GALNT17: variants seen among roughly 807,000 people sequenced by gnomAD.
GALNT17 encodes UDP-GalNAc:polypeptide N-acetylgalactosaminyltransferase-like 3.
In GALNT17, 29 loss-of-function variants were observed where a neutral mutation model predicts 63.7. That is an observed-to-expected ratio of 0.46 (90% CI 0.34 to 0.62). The LOEUF (loss-of-function observed/expected upper bound fraction) is 0.62, where lower values mean the gene tolerates loss of function less well. GALNT17 is among the 20% of genes least tolerant of loss of function. The pLI, the probability that GALNT17 is intolerant of heterozygous loss-of-function variation, is 0.01. For synonymous variants in GALNT17, 305 were observed against 318.3 expected (o/e 0.96, Z 0.45); for missense variants, 603 against 799.6 (o/e 0.75, Z 2.97).
At chr7:71,295,464 G>T (rs1262177685) in intron 1 of GALNT17, among the ~76,000 whole-genome samples, 4 of 151,154 alleles carry the variant, frequency 2.6e-5, no homozygotes, top group African/African-American at 9.7e-5. Flanking sequence ...GTTTCTCTCT[G>T]TCTCTCTTTG....
intron 1 of GALNT17, among the ~76,000 whole-genome samples, chr7:71,186,814 C>T (rs1788859046): frequency 6.6e-6 from 1 of 152,218 alleles, no homozygotes; most frequent in African/African-American, 2.4e-5. Context: ...CAGACTGGTG[C>T]TCTACTGGGA....
intron 5 of GALNT17, among the ~76,000 whole-genome samples, chr7:71,435,936 C>T (rs1016346499): frequency 3.4e-5 from 5 of 147,774 alleles, no homozygotes; most frequent in Non-Finnish European, 7.5e-5. Context: ...AGGAGAATGG[C>T]GTGAACCTGG....
chr7:71,590,809 C>T (rs1173245422), intron 6 of GALNT17, among the ~76,000 whole-genome samples: 5 of 152,058 alleles, frequency 3.3e-5, no homozygotes, highest in Admixed American at 2.6e-4. Flanking sequence ...CTCACTGGAA[C>T]CTCCGCCTCC....
At position 71,199,188 on chromosome 7, in the gene GALNT17, C is replaced by T. The variant is rs895727606; in HGVS notation, c.238+66148C>T. On this transcript the variant is annotated intron_variant, in intron 1 of 10. Transcript: ENST00000333538. ...TAGGTGGCCAAGGGGGTGGCTAAAGCTGAATTTACAAGGCAAGGAGCCCTG... is the reference window on the plus strand; with the variant it reads ...TAGGTGGCCAAGGGGGTGGCTAAAGTTGAATTTACAAGGCAAGGAGCCCTG... 2.0e-5 allele frequency among the ~76,000 whole-genome samples: 3 copies of T among 152,164 alleles called. No homozygotes were observed. In the South Asian group the frequency reaches 6.2e-4, roughly 32 times the overall value.
At chr7:71,515,122 T>A (rs547573900) in intron 5 of GALNT17, among the ~76,000 whole-genome samples, 8 of 152,264 alleles carry the variant, frequency 5.3e-5, no homozygotes, top group African/African-American at 1.9e-4. Flanking sequence ...GTTAAACCTC[T>A]TTTTCTTTAT....
intron 5 of GALNT17, among the ~76,000 whole-genome samples, chr7:71,489,242 T>C (rs1039707073): frequency 7.2e-5 from 11 of 152,152 alleles, no homozygotes; most frequent in Admixed American, 3.3e-4. Context: ...ACTGTGGCTC[T>C]AGGGGCCACA....
intron 1 of GALNT17, among the ~76,000 whole-genome samples, chr7:71,237,011 A>G (rs1404071804): frequency 6.6e-6 from 1 of 152,110 alleles, no homozygotes; most frequent in African/African-American, 2.4e-5. Context: ...CGCCTGCCAG[A>G]ACACCCAGGG....
At chr7:71,498,283 C>A (rs1584004440) in intron 5 of GALNT17, among the ~76,000 whole-genome samples, 1 of 152,086 alleles carries the variant, frequency 6.6e-6, no homozygotes, top group East Asian at 1.9e-4. Flanking sequence ...AGAGACCAGC[C>A]TGGGCAACAT....
intron 6 of GALNT17, among the ~76,000 whole-genome samples, chr7:71,587,709 T>G (rs1042309913): frequency 6.6e-6 from 1 of 151,688 alleles, no homozygotes; most frequent in Non-Finnish European, 1.5e-5. Context: ...CTGAAAACAT[T>G]AAAAAAACAC....
intron 6 of GALNT17, among the ~76,000 whole-genome samples, chr7:71,638,364 A>C (rs973622667): frequency 4.6e-5 from 7 of 152,294 alleles, no homozygotes; most frequent in African/African-American, 1.7e-4. Context: ...AATGCAGCCC[A>C]GTAGGTCTCA....
rs562148072 is a variant in GALNT17 at position 71,159,928 on chromosome 7, T to C, written c.238+26888T>C. 6.8e-3 allele frequency among the ~76,000 whole-genome samples: 1,029 copies of C among 151,064 alleles called. 10 individuals are homozygous for C. Among genetic ancestry groups the C allele is most frequent in the African/African-American group, 0.023 (919 of 40,586 alleles). On this transcript the variant is annotated intron_variant, in intron 1 of 10. Coordinates refer to ENST00000333538, the MANE Select transcript of GALNT17 (RefSeq NM_022479.3). ...TCCTGAGTAGCTGGGATTACAGGTGTGCACCACCACTCAGATCTAATTTTT... is the reference window on the plus strand; with the variant it reads ...TCCTGAGTAGCTGGGATTACAGGTGCGCACCACCACTCAGATCTAATTTTT...
chr7:71,252,430 C>T (rs1415198259), intron 1 of GALNT17, among the ~76,000 whole-genome samples: 2 of 152,088 alleles, frequency 1.3e-5, no homozygotes. Context: ...GAGGCTGAGG[C>T]AGGAGAATCT....
At chr7:71,242,370 C>T (rs145986844) in intron 1 of GALNT17, among the ~76,000 whole-genome samples, 7 of 148,976 alleles carry the variant, frequency 4.7e-5, no homozygotes, top group East Asian at 4.1e-4. Context: ...CCTGGGTTCA[C>T]GCATTCTCCT....
chr7:71,238,313 G>C (rs749697028), intron 1 of GALNT17, among the ~76,000 whole-genome samples: 4 of 152,146 alleles, frequency 2.6e-5, no homozygotes, highest in Non-Finnish European at 5.9e-5. Context: ...TTGGGAAAGA[G>C]GTCTCTCCCA....
intron 9 of GALNT17, among the ~76,000 whole-genome samples, chr7:71,695,293 T>G (rs1791523266): frequency 6.6e-6 from 1 of 152,132 alleles, no homozygotes; most frequent in South Asian, 2.1e-4. Context: ...AAAATCAGCC[T>G]GAGGTTTTTG....
At chr7:71,385,040 G>A (rs1792915272) in intron 2 of GALNT17, among the ~76,000 whole-genome samples, 3 of 152,320 alleles carry the variant, frequency 2.0e-5, no homozygotes, top group Admixed American at 6.5e-5. Flanking sequence ...GGTGATTGGG[G>A]TGGGGCAGTG....
intron 6 of GALNT17, among the ~76,000 whole-genome samples, chr7:71,629,583 A>G (rs1198546736): frequency 2.0e-5 from 3 of 152,104 alleles, no homozygotes; most frequent in Non-Finnish European, 4.4e-5. Flanking sequence ...GGGCTCAAAC[A>G]ATCTTCCCAC....
At chr7:71,228,137 T>C (rs1452813224) in intron 1 of GALNT17, among the ~76,000 whole-genome samples, 1 of 152,058 alleles carries the variant, frequency 6.6e-6, no homozygotes, top group Non-Finnish European at 1.5e-5. Context: ...TGTACACGTG[T>C]GTGTTGGAGG....
chr7:71,609,230 T>C (rs77680970), intron 6 of GALNT17, among the ~76,000 whole-genome samples: 5,879 of 152,286 alleles, frequency 0.039, 384 homozygotes, highest in African/African-American at 0.13. Context: ...TTCTGAATCT[T>C]TTGTCTGGAC....
Sources: gnomAD v4.1 joint callset for allele counts (sites outside exome capture counted in the v4.1 genomes callset) on GRCh38, gnomAD v4.1.1 for gene constraint, MANE v1.5 for transcripts, NCBI Gene and HGNC (gene_info 2026-07-23, HGNC 2026-07-21) for gene names.